The following SLC3A1 variants were observed in gnomAD, a reference collection of about 807,000 sequenced individuals.
The protein encoded by SLC3A1 is amino acid transporter heavy chain SLC3A1.
In SLC3A1, 78 loss-of-function variants were observed where a neutral mutation model predicts 60.3. The observed-to-expected ratio is 1.29, with a 90% CI of 1.08 to 1.56. The LOEUF is 1.56. SLC3A1 is among the 40% of genes most tolerant of loss of function. SLC3A1 has a pLI of 0.00. For missense variants in SLC3A1, 1,172 were observed against 858.9 expected (o/e 1.36, Z -4.56); for synonymous variants, 392 against 307.9 (o/e 1.27, Z -2.86).
intron 9 of SLC3A1, among the ~76,000 whole-genome samples, chr2:44,317,143 G>A (rs1672495426): frequency 6.6e-6 from 1 of 152,092 alleles, no homozygotes; most frequent in African/African-American, 2.4e-5. Context: ...ATTAACCACT[G>A]TGACTATTAC....
At chr2:44,322,175 G>A (rs548229082), downstream of SLC3A1, among the ~76,000 whole-genome samples, 3 of 152,244 alleles carry the variant, frequency 2.0e-5, no homozygotes, top group East Asian at 5.8e-4. Flanking sequence ...CCTGCCCTGT[G>A]GAATCTGAGA....
intron 6 of SLC3A1, 68 bp downstream of exon 6, chr2:44,301,195 A>G: frequency 1.3e-6 from 2 of 1,591,670 alleles, no homozygotes; most frequent in Non-Finnish European, 1.7e-6. Context: ...ATCCCTCACA[A>G]CCAAGTGTAT....
At chr2:44,316,895 T>C (rs1025468795) in intron 9 of SLC3A1, among the ~76,000 whole-genome samples, 2 of 152,142 alleles carry the variant, frequency 1.3e-5, no homozygotes, top group Admixed American at 6.5e-5. Context: ...ATAACAATTC[T>C]AAGAGATACA....
chr2:44,316,621 G>C (rs1672468167), intron 9 of SLC3A1, among the ~76,000 whole-genome samples: 1 of 152,156 alleles, frequency 6.6e-6, no homozygotes, highest in African/African-American at 2.4e-5. Context: ...TTTCAGAACA[G>C]GTAGGATAAA....
At chr2:44,303,874 T>A in intron 6 of SLC3A1, 1 of 582,648 alleles carries the variant, frequency 1.7e-6, no homozygotes, top group Non-Finnish European at 3.1e-6. Flanking sequence ...AATGATGGTT[T>A]CCAGCTTCAT....
intron 4 of SLC3A1, among the ~76,000 whole-genome samples, chr2:44,294,160 G>C (rs1228982123): frequency 6.6e-6 from 1 of 152,114 alleles, no homozygotes; most frequent in Non-Finnish European, 1.5e-5. Context: ...GTTTCCAGAA[G>C]ACGAGATTGG....
chr2:44,291,183 T>G (rs887402166), intron 4 of SLC3A1, among the ~76,000 whole-genome samples: 1 of 152,198 alleles, frequency 6.6e-6, no homozygotes, highest in Non-Finnish European at 1.5e-5. Flanking sequence ...ATGCTTCACT[T>G]TTTCTGCACA....
chr2:44,281,348 A>C (rs1671495316), intron 2 of SLC3A1, 39 bp from the exon 3 acceptor site: 2 of 1,564,246 alleles, frequency 1.3e-6, no homozygotes, highest in Non-Finnish European at 1.8e-6. Context: ...ATTCTAATAC[A>C]ATCTTTCCCT....
In SLC3A1 at chr2:44,286,139, T is replaced by C. The variant is rs781137445; in HGVS notation, c.873T>C (p.Asp291=). The change falls in exon 4 of 10, where the codon GAT becomes GAC. Residue 291 remains aspartate, a synonymous_variant. Coordinates refer to ENST00000260649, the MANE Select transcript of SLC3A1 (RefSeq NM_000341.4). ...CTGATTTAAATTTCCGCAATCCTGA[T>C]GTTCAAGAAGAAATAAAAGTGAGTA... ...EQPDLNFRNP[D]VQEEIKEILR... 7 of 1,614,074 alleles carry C rather than the reference T, an allele frequency of 4.3e-6. No individual in the cohort carries two copies. Among genetic ancestry groups the C allele is most frequent in the Non-Finnish European group, 5.9e-6 (7 of 1,179,938 alleles).
chr2:44,322,035 C>A, downstream of SLC3A1: 1 of 862,788 alleles, frequency 1.2e-6, no homozygotes, highest in Non-Finnish European at 1.7e-6. Context: ...AAACCACCAT[C>A]ATCAACAAAA....
chr2:44,284,687 C>CT (rs999341712), intron 3 of SLC3A1, among the ~76,000 whole-genome samples: 20 of 152,096 alleles, frequency 1.3e-4, no homozygotes, highest in African/African-American at 4.8e-4. Context: ...CCTCAGCCTC[C>CT]TTAGTAGCTG....
At chr2:44,282,208 A>G (rs1671514917) in intron 3 of SLC3A1, among the ~76,000 whole-genome samples, 1 of 151,938 alleles carries the variant, frequency 6.6e-6, no homozygotes, top group African/African-American at 2.4e-5. Context: ...CCTCTGTCTG[A>G]CAAAACCCTA....
chr2:44,293,037 A>T (rs1020301790), intron 4 of SLC3A1, among the ~76,000 whole-genome samples: 2 of 152,040 alleles, frequency 1.3e-5, no homozygotes, highest in Non-Finnish European at 2.9e-5. Context: ...GGAGGCATAG[A>T]GGTGCAGAGA....
intron 4 of SLC3A1, among the ~76,000 whole-genome samples, chr2:44,287,758 G>A (rs79496607): frequency 0.026 from 3,898 of 152,192 alleles, 170 homozygotes; most frequent in African/African-American, 0.088. Flanking sequence ...GGGAGTAGGG[G>A]AGTCCTCTGA....
intron 4 of SLC3A1, among the ~76,000 whole-genome samples, chr2:44,289,696 T>C (rs1671695477): frequency 6.6e-6 from 1 of 152,148 alleles, no homozygotes; most frequent in Non-Finnish European, 1.5e-5. Context: ...AGTGGCGCAA[T>C]CTCAGCTCAC....
intron 6 of SLC3A1, 132 bp from the exon 7 acceptor site, chr2:44,304,011 G>A (rs373039572): frequency 3.9e-6 from 3 of 762,158 alleles, no homozygotes; most frequent in Non-Finnish European, 7.2e-6. Context: ...CTTTCTAGAA[G>A]GTGCTAGTCC....
chr2:44,280,431 G>GCTAA lies in SLC3A1; in HGVS notation c.431-285_431-284insCTAA, dbSNP rs1157934303. The stretch of plus-strand genomic sequence containing the variant: ...TTTTTGTATTTTTAATAGAGACGGG[G>GCTAA]TTTTGTCATGTTGGCCAGGATGGTC... On this transcript the variant is annotated intron_variant, in intron 1 of 9. Coordinates refer to ENST00000260649, the MANE Select transcript of SLC3A1 (RefSeq NM_000341.4). Among the ~76,000 whole-genome samples the GCTAA allele has an allele frequency of 3.3e-5, 5 of 152,024 alleles. No homozygotes were observed. The East Asian group carries it at 7.7e-4, about 24-fold the overall frequency.
At chr2:44,301,818 C>CTG (rs1215890648) in intron 6 of SLC3A1, among the ~76,000 whole-genome samples, 3 of 151,552 alleles carry the variant, frequency 2.0e-5, no homozygotes, top group Admixed American at 6.6e-5. Flanking sequence ...AATCCCAGCA[C>CTG]TGTGTGAGGT....
intron 4 of SLC3A1, among the ~76,000 whole-genome samples, chr2:44,286,759 TCTGTGACGGTGAGCTGTGCGGTGC>T (rs1477983973): frequency 4.9e-4 from 62 of 125,478 alleles, no homozygotes; most frequent in East Asian, 1.0e-3. Context: ...CTGTGCGGTG[TCTGTGACGGTGAGCTGTGCGGTGC>T]CTGTGACGGT....
Sources: gnomAD v4.1 joint callset for allele counts (sites outside exome capture counted in the v4.1 genomes callset) on GRCh38, gnomAD v4.1.1 for gene constraint, MANE v1.5 for transcripts, NCBI Gene and HGNC (gene_info 2026-07-23, HGNC 2026-07-21) for gene names.